ACTR3C: variants seen among roughly 807,000 people sequenced by gnomAD.
The protein encoded by ACTR3C is actin-related protein 3C.
ACTR3C carries 18 observed loss-of-function variants against 26.3 expected under a neutral mutation model. The ratio of observed to expected loss-of-function variants is 0.68; its 90% CI spans 0.47 to 1.01. ACTR3C has a LOEUF of 1.01. Ranked by LOEUF, ACTR3C falls within the 50% of genes least tolerant of loss-of-function variation. The pLI is 0.00. For missense variants in ACTR3C, 184 were observed against 250.7 expected (o/e 0.73, Z 1.80); for synonymous variants, 55 against 94.5 (o/e 0.58, Z 2.42).
At chr7:150,101,862 G>T in the ACTR3C span, among the ~76,000 whole-genome samples, 1 of 151,564 alleles carries the variant, frequency 6.6e-6, no homozygotes, top group African/African-American at 2.4e-5. Flanking sequence ...ATGAAAATTG[G>T]GGTACATTCT....
chr7:150,244,028 C>T (rs1201875238), downstream of ACTR3C: 1 of 151,596 alleles, frequency 6.6e-6, no homozygotes, highest in African/African-American at 2.4e-5. Context: ...TTAGTACTCT[C>T]ATTGTATTCT....
At chr7:150,002,705 T>C in the ACTR3C span, 1 of 152,204 alleles carries the variant, frequency 6.6e-6, no homozygotes, top group East Asian at 1.9e-4. Flanking sequence ...ACATATTTTG[T>C]ATACCTGTAT....
the ACTR3C span, among the ~76,000 whole-genome samples, chr7:150,196,927 T>G: frequency 6.6e-6 from 1 of 152,228 alleles, no homozygotes; most frequent in Non-Finnish European, 1.5e-5. Flanking sequence ...GCCCCTTCTC[T>G]GACTGCTGTG....
At chr7:149,885,374 C>T in the ACTR3C span, among the ~76,000 whole-genome samples, 17,813 of 152,206 alleles carry the variant, frequency 0.12, 2,249 homozygotes, top group African/African-American at 0.32. Flanking sequence ...GCCCCCAAGC[C>T]GCCAGGGACT....
intron 6 of ACTR3C, among the ~76,000 whole-genome samples, chr7:150,252,045 C>T (rs138499949): frequency 6.6e-6 from 1 of 152,194 alleles, no homozygotes; most frequent in African/African-American, 2.4e-5. Context: ...ATTGACACCA[C>T]CTCTTTTTAA....
At chr7:150,219,961 C>A in the ACTR3C span, among the ~76,000 whole-genome samples, 1 of 146,392 alleles carries the variant, frequency 6.8e-6, no homozygotes, top group South Asian at 2.1e-4. Context: ...GCCAGCCCAG[C>A]CGCAAAGCAG....
chr7:150,236,324 C>T, the ACTR3C span, among the ~76,000 whole-genome samples: 3 of 152,308 alleles, frequency 2.0e-5, no homozygotes, highest in South Asian at 6.2e-4. Context: ...TCAATATTTT[C>T]TGAATGCATT....
intron 1 of ACTR3C, among the ~76,000 whole-genome samples, chr7:150,313,181 G>A (rs989524066): frequency 2.6e-5 from 4 of 151,852 alleles, no homozygotes; most frequent in African/African-American, 4.8e-5. Context: ...ACCTCCCTTC[G>A]CTGACTCTCT....
At chr7:150,038,898 G>C in the ACTR3C span, among the ~76,000 whole-genome samples, 2 of 89,724 alleles carry the variant, frequency 2.2e-5, no homozygotes, top group Admixed American at 1.2e-4. Flanking sequence ...CCTCCCCCCT[G>C]CGATGGGGGT....
chr7:150,220,203 C>A, the ACTR3C span, among the ~76,000 whole-genome samples: 17 of 148,528 alleles, frequency 1.1e-4, no homozygotes, highest in Non-Finnish European at 2.2e-4. Flanking sequence ...CCATCTGCGC[C>A]CCACGCCCCC....
the ACTR3C span, among the ~76,000 whole-genome samples, chr7:150,198,532 C>T: frequency 6.9e-6 from 1 of 145,234 alleles, no homozygotes; most frequent in African/African-American, 2.7e-5. Flanking sequence ...TCTGCCCGGC[C>T]GAGACCCAGT....
intron 6 of ACTR3C, among the ~76,000 whole-genome samples, chr7:150,267,752 T>C (rs191377639): frequency 6.6e-6 from 1 of 152,270 alleles, no homozygotes; most frequent in Non-Finnish European, 1.5e-5. Context: ...TTGGGACGCA[T>C]GCCCCACGGA....
At chr7:150,221,704 C>T in the ACTR3C span, among the ~76,000 whole-genome samples, 1 of 152,174 alleles carries the variant, frequency 6.6e-6, no homozygotes, top group Admixed American at 6.5e-5. Flanking sequence ...AACAGAAGTA[C>T]ATCCCCTTGG....
chr7:149,888,682 G>C, the ACTR3C span, among the ~76,000 whole-genome samples: 2 of 152,192 alleles, frequency 1.3e-5, no homozygotes, highest in African/African-American at 4.8e-5. Context: ...GAGAGGGCAA[G>C]ATCAGACAGC....
chr7:150,026,274 C>T, the ACTR3C span, among the ~76,000 whole-genome samples: 3 of 152,012 alleles, frequency 2.0e-5, no homozygotes, highest in Non-Finnish European at 4.4e-5. Context: ...ATCATAACAT[C>T]ATTCCACCTT....
the ACTR3C span, among the ~76,000 whole-genome samples, chr7:149,889,346 G>A: frequency 1.3e-5 from 2 of 152,116 alleles, no homozygotes; most frequent in African/African-American, 2.4e-5. Flanking sequence ...ATCAGAAAAG[G>A]GAAAAATTTT....
chr7:150,036,803 C>A, the ACTR3C span, among the ~76,000 whole-genome samples: 2 of 137,074 alleles, frequency 1.5e-5, 1 homozygote, highest in Non-Finnish European at 3.4e-5. Flanking sequence ...ACACCTAACA[C>A]CCACAGTCCT....
chr7:150,041,738 G>T, the ACTR3C span, among the ~76,000 whole-genome samples: 2 of 145,690 alleles, frequency 1.4e-5, no homozygotes, highest in East Asian at 2.1e-4. Context: ...TGCGATGGGG[G>T]TCCTAAGAGC....
the ACTR3C span, among the ~76,000 whole-genome samples, chr7:149,954,578 C>T: frequency 6.6e-6 from 1 of 152,110 alleles, no homozygotes; most frequent in South Asian, 2.1e-4. Context: ...TATCCAATGC[C>T]AACTATATTC....
Sources: gnomAD v4.1 joint callset for allele counts (sites outside exome capture counted in the v4.1 genomes callset) on GRCh38, gnomAD v4.1.1 for gene constraint, MANE v1.5 for transcripts, NCBI Gene and HGNC (gene_info 2026-07-23, HGNC 2026-07-21) for gene names.